TMEM62: variants seen among roughly 807,000 people sequenced by gnomAD.
The protein encoded by TMEM62 is transmembrane protein 62.
In TMEM62, 41 loss-of-function variants were observed where a neutral mutation model predicts 70.4. The observed-to-expected ratio is 0.58, with a 90% CI of 0.45 to 0.76. The LOEUF is 0.76. Ranked by LOEUF, TMEM62 falls within the 30% of genes least tolerant of loss-of-function variation. The pLI is 0.00. For synonymous variants in TMEM62, 268 were observed against 291.0 expected (o/e 0.92, Z 0.80); for missense variants, 688 against 788.5 (o/e 0.87, Z 1.53).
intron 4 of TMEM62, among the ~76,000 whole-genome samples, chr15:43,145,346 A>G (rs2036541721): frequency 6.6e-6 from 1 of 151,148 alleles, no homozygotes; most frequent in Non-Finnish European, 1.5e-5. Flanking sequence ...CTGGGACTAC[A>G]GGCGCCCGCC....
At chr15:43,157,993 C>A (rs1199095330) in intron 9 of TMEM62, among the ~76,000 whole-genome samples, 2 of 152,116 alleles carry the variant, frequency 1.3e-5, no homozygotes, top group Non-Finnish European at 2.9e-5. Flanking sequence ...TTACCTCCCC[C>A]CTCTTTTTTG....
chr15:43,168,769 A>G (rs2039874996), intron 10 of TMEM62, among the ~76,000 whole-genome samples: 1 of 152,196 alleles, frequency 6.6e-6, no homozygotes, highest in Non-Finnish European at 1.5e-5. Context: ...TCTGAGCCCA[A>G]CATAGTACCC....
rs911382626 is a variant in TMEM62 at position 43,134,030 on chromosome 15, C to T, written c.180+48C>T. On this transcript the variant is annotated intron_variant, in intron 1 of 13. Transcript: ENST00000260403. Reference sequence around the variant, plus strand: ...CGGGAGGCAGGTGCAGATCGGGCACCGTGCGGTGGGACCCTTGCGGGTGTT... The same window carrying T: ...CGGGAGGCAGGTGCAGATCGGGCACTGTGCGGTGGGACCCTTGCGGGTGTT... 12 of 1,436,510 alleles carry T rather than the reference C, an allele frequency of 8.4e-6. No individual in the cohort carries two copies. The Admixed American group carries it at 8.5e-5, about 10-fold the overall frequency. 89.0% of individuals were successfully genotyped at this position (1,436,510 alleles called of 1,614,324 possible).
rs188842036 is a variant in TMEM62 at position 43,184,241 on chromosome 15, T to A, written c.1606-19T>A. ...CTTCCAAGGACTTGGGAGTAAGCTA[T>A]GGTTCTGTTCTTTTCCAGCTGGCGT... is the stretch of plus-strand genomic sequence containing the variant. On this transcript the variant is annotated intron_variant, in intron 13 of 13. Coordinates refer to ENST00000260403, the MANE Select transcript of TMEM62 (RefSeq NM_024956.4). 2.9e-5 allele frequency: 46 copies of A among 1,599,936 alleles called. No individual in the cohort carries two copies. The African/African-American group carries it at 5.9e-4, about 21-fold the overall frequency.
At chr15:43,181,544 C>G (rs1394464367) in intron 13 of TMEM62, among the ~76,000 whole-genome samples, 1 of 152,200 alleles carries the variant, frequency 6.6e-6, no homozygotes, top group East Asian at 1.9e-4. Context: ...TGCTGTCGCC[C>G]AGGCTGAAGC....
chr15:43,160,752 T>A lies in TMEM62; in HGVS notation c.1254T>A (p.Asp418Glu). The change falls in exon 10 of 14, where the codon GAT becomes GAA. Residue 418 changes from aspartate to glutamate, a missense_variant. Transcript: ENST00000260403. ...AAGAGAATAATCATCTCAGTTTTGA[T>A]CCCCTGGCATCATTTATTCTCCGTA... ...SVQENNHLSF[D>E]PLASFILRTD... The A allele has an allele frequency of 6.2e-7, 1 of 1,612,408 alleles. No homozygotes were observed. The highest frequency in any genetic ancestry group is 8.5e-7 in the Non-Finnish European group (1 of 1,178,872).
At chr15:43,156,282 A>G (rs1186384454) in intron 9 of TMEM62, among the ~76,000 whole-genome samples, 1 of 152,242 alleles carries the variant, frequency 6.6e-6, no homozygotes, top group Non-Finnish European at 1.5e-5. Flanking sequence ...CTTAATCCAC[A>G]AAACAATCCT....
At position 43,133,774 on chromosome 15, in the gene TMEM62, C is replaced by G; in HGVS notation, c.-29C>G. ...GCCGCGCGGTCCTGCGCGGGATCAG[C>G]GAGGGCCGCGCCCCGGCGGGCGGGC... is the stretch of plus-strand genomic sequence containing the variant. On this transcript the variant is annotated 5_prime_UTR_variant, in exon 1 of 14. Transcript: ENST00000260403. The G allele has an allele frequency of 7.5e-7, 1 of 1,338,096 alleles. No individual in the cohort carries two copies. The highest frequency in any genetic ancestry group is 9.5e-7 in the Non-Finnish European group (1 of 1,051,988). The allele number at this position is 1,338,096 out of a possible 1,614,324, so 82.9% of individuals were successfully genotyped here. A position where few individuals can be genotyped will look rare whatever the true frequency, so the allele number is the denominator to read the frequency against.
chr15:43,176,351 C>G (rs1002438495), intron 11 of TMEM62, among the ~76,000 whole-genome samples: 18 of 152,338 alleles, frequency 1.2e-4, no homozygotes, highest in African/African-American at 4.3e-4. Flanking sequence ...CAGCACGCAG[C>G]TGGAGATCTG....
chr15:43,136,924 GT>G (rs555479077), intron 3 of TMEM62, among the ~76,000 whole-genome samples: 29 of 151,112 alleles, frequency 1.9e-4, no homozygotes, highest in Admixed American at 1.3e-3. Context: ...AATTTTTGAA[GT>G]TTTTTTTTGT....
chr15:43,133,755 C>T lies in TMEM62; in HGVS notation c.-48C>T, dbSNP rs1380609399. ...CAAAGCGGCTCCCGGGAGCGCCGCG[C>T]GGTCCTGCGCGGGATCAGCGAGGGC... On this transcript the variant is annotated 5_prime_UTR_variant, in exon 1 of 14. Coordinates refer to ENST00000260403, the MANE Select transcript of TMEM62 (RefSeq NM_024956.4). The T allele has an allele frequency of 1.6e-6, 2 of 1,263,330 alleles. No individual in the cohort carries two copies. Among genetic ancestry groups the T allele is most frequent in the African/African-American group, 1.6e-5 (1 of 63,626 alleles). 78.3% of individuals were successfully genotyped at this position (1,263,330 alleles called of 1,614,324 possible). A position where few individuals can be genotyped will look rare whatever the true frequency, so the allele number is the denominator to read the frequency against.
intron 11 of TMEM62, among the ~76,000 whole-genome samples, 184 bp from the exon 12 acceptor site, chr15:43,178,423 T>A (rs2041000630): frequency 6.6e-6 from 1 of 152,172 alleles, no homozygotes; most frequent in Admixed American, 6.5e-5. Flanking sequence ...CAATTCTAAG[T>A]GAACTGTCTC....
chr15:43,156,804 G>A (rs1178101024), intron 9 of TMEM62, among the ~76,000 whole-genome samples: 1 of 152,098 alleles, frequency 6.6e-6, no homozygotes, highest in Non-Finnish European at 1.5e-5. Context: ...ACAATTTGGT[G>A]AGTTTTGACA....
intron 11 of TMEM62, among the ~76,000 whole-genome samples, chr15:43,173,719 T>C (rs1219933073): frequency 6.6e-6 from 1 of 152,190 alleles, no homozygotes; most frequent in Non-Finnish European, 1.5e-5. Context: ...CATAATGAGC[T>C]CTTGCTTATC....
At chr15:43,176,857 GAGA>G (rs1429940339) in intron 11 of TMEM62, among the ~76,000 whole-genome samples, 1 of 152,120 alleles carries the variant, frequency 6.6e-6, no homozygotes, top group Admixed American at 6.5e-5. Context: ...GACAAGTTGA[GAGA>G]AGAAGGCTTC....
chr15:43,145,121 A>T (rs573609815), intron 4 of TMEM62, among the ~76,000 whole-genome samples: 13 of 140,308 alleles, frequency 9.3e-5, no homozygotes, highest in Admixed American at 4.3e-4. Context: ...AAAAAAAAAG[A>T]TTCTGAGGAA....
rs1304152193 is a variant in TMEM62, at chr15:43,144,602, T to G, written c.477-1891T>G. On this transcript the variant is annotated intron_variant, in intron 4 of 13. Transcript: ENST00000260403. ...GTCATACCCATCTGAACTAAGTTCTTGGATATGGAGATGGTGACATCAATT... is the reference window on the plus strand; with the variant it reads ...GTCATACCCATCTGAACTAAGTTCTGGGATATGGAGATGGTGACATCAATT... Among the ~76,000 whole-genome samples, 7 of 152,320 alleles carry G rather than the reference T, an allele frequency of 4.6e-5. No homozygotes were observed. In the East Asian group the frequency reaches 1.3e-3, roughly 29 times the overall value.
intron 7 of TMEM62, among the ~76,000 whole-genome samples, chr15:43,151,074 G>A (rs1057059458): frequency 6.6e-6 from 1 of 152,152 alleles, no homozygotes; most frequent in South Asian, 2.1e-4. Context: ...GCTAGGCATG[G>A]TGGCTTACGC....
chr15:43,155,694 T>C (rs772957908), intron 9 of TMEM62, among the ~76,000 whole-genome samples: 1 of 152,156 alleles, frequency 6.6e-6, no homozygotes, highest in Non-Finnish European at 1.5e-5. Flanking sequence ...CTTTTCATAA[T>C]AGGGGCAAAT....
Sources: gnomAD v4.1 joint callset for allele counts (sites outside exome capture counted in the v4.1 genomes callset) on GRCh38, gnomAD v4.1.1 for gene constraint, MANE v1.5 for transcripts, NCBI Gene and HGNC (gene_info 2026-07-23, HGNC 2026-07-21) for gene names.